THSD4: variants seen among roughly 807,000 people sequenced by gnomAD.
The protein encoded by THSD4 is thrombospondin type 1 domain containing 4.
Under a neutral mutation model 119.0 loss-of-function variants are expected in THSD4, and 69 were observed. The ratio of observed to expected loss-of-function variants is 0.58; its 90% CI spans 0.48 to 0.71. THSD4 has a LOEUF of 0.71. Among genes scored for constraint, THSD4 ranks in the 30% least tolerant of loss-of-function variants. The probability of loss-of-function intolerance (pLI) is 0.00; values close to 1 mark genes in which losing one functional copy is unlikely to be tolerated. For synonymous variants in THSD4, 524 were observed against 540.4 expected (o/e 0.97, Z 0.42); for missense variants, 1,393 against 1,391.1 (o/e 1.00, Z -0.02).
Position 71,244,493 on chromosome 15 carries a change from G to T in THSD4, c.912+1397G>T, listed in dbSNP as rs540251866. Among the ~76,000 whole-genome samples the T allele has an allele frequency of 2.0e-5, 3 of 152,294 alleles. No homozygotes were observed. The East Asian group carries it at 5.8e-4, about 29-fold the overall frequency. On this transcript the variant is annotated intron_variant, in intron 5 of 17. Coordinates refer to ENST00000261862, the MANE Select transcript of THSD4 (RefSeq NM_024817.3). The stretch of plus-strand genomic sequence containing the variant: ...TGTGATCTTAATAATTTCATTGAAT[G>T]CCTGGGTTGCTTTTTAGCTTATTCT...
chr15:71,458,361 T>C (rs1417507130), intron 7 of THSD4, among the ~76,000 whole-genome samples: 3 of 152,252 alleles, frequency 2.0e-5, no homozygotes. Context: ...TCTTAGTTTG[T>C]ATTTTATTAT....
chr15:71,600,730 C>CTTTTT (rs774794883), intron 7 of THSD4, among the ~76,000 whole-genome samples: 1 of 147,576 alleles, frequency 6.8e-6, no homozygotes, highest in African/African-American at 2.6e-5. Context: ...TCATGCCTGT[C>CTTTTT]TTTTTTTTTC....
chr15:71,371,370 G>A (rs1156485245), intron 6 of THSD4, among the ~76,000 whole-genome samples: 4 of 152,174 alleles, frequency 2.6e-5, no homozygotes, highest in African/African-American at 9.7e-5. Flanking sequence ...TTTCTTCCTA[G>A]CATCGATGGT....
At chr15:71,596,305 T>C (rs1317543918) in intron 7 of THSD4, among the ~76,000 whole-genome samples, 2 of 152,210 alleles carry the variant, frequency 1.3e-5, no homozygotes, top group African/African-American at 4.8e-5. Flanking sequence ...TGTGACATTG[T>C]TGTGGTTTTC....
intron 3 of THSD4, among the ~76,000 whole-genome samples, chr15:71,212,197 GTTTT>G: frequency 6.6e-6 from 1 of 152,020 alleles, no homozygotes; most frequent in Middle Eastern, 3.4e-3. Context: ...GTTTTTCTGT[GTTTT>G]TGTTTGTTTG....
chr15:71,322,759 C>A lies in THSD4; in HGVS notation c.1015+66044C>A, dbSNP rs192493578. Among the ~76,000 whole-genome samples the A allele has an allele frequency of 2.6e-5, 4 of 152,206 alleles. No homozygotes were observed. The East Asian group carries it at 7.8e-4, about 30-fold the overall frequency. On this transcript the variant is annotated intron_variant, in intron 6 of 17. Coordinates refer to ENST00000261862, the MANE Select transcript of THSD4 (RefSeq NM_024817.3). ...CCTCTCCACAAGGCTGCTTGAGTGT[C>A]CTCCTGACACGGTGACTGGCCTTCC...
chr15:71,647,898 A>G (rs977351442), intron 7 of THSD4, among the ~76,000 whole-genome samples: 2 of 152,130 alleles, frequency 1.3e-5, no homozygotes, highest in African/African-American at 4.8e-5. Context: ...GTGGGAGGGG[A>G]GGCCTCGGAT....
intron 2 of THSD4, 98 bp downstream of exon 2, chr15:71,141,654 T>C: frequency 7.6e-7 from 1 of 1,317,382 alleles, no homozygotes; most frequent in South Asian, 1.4e-5. Flanking sequence ...CTTAAGGGTC[T>C]GCAGCTGACT....
intron 8 of THSD4, among the ~76,000 whole-genome samples, chr15:71,717,249 T>A (rs115597955): frequency 6.6e-6 from 1 of 152,308 alleles, no homozygotes; most frequent in African/African-American, 2.4e-5. Context: ...TCCAGAGGCC[T>A]AGGGGATTGG....
chr15:71,502,533 G>A (rs1272336584), intron 7 of THSD4, among the ~76,000 whole-genome samples: 1 of 152,162 alleles, frequency 6.6e-6, no homozygotes, highest in African/African-American at 2.4e-5. Flanking sequence ...AATTTTAAAT[G>A]AACTGAGTGC....
At position 71,119,781 on chromosome 15, in the gene THSD4, G is replaced by A. The variant is rs550989903; in HGVS notation, c.-80+4083G>A. Among the ~76,000 whole-genome samples the A allele has an allele frequency of 3.3e-5, 5 of 152,312 alleles. No homozygotes were observed. The South Asian group carries it at 6.2e-4, about 19-fold the overall frequency. On this transcript the variant is annotated intron_variant, in intron 1 of 17. Transcript: ENST00000261862. ...CCAGCCCCTTCCTCCCTGCAGGCAC[G>A]GTGAGTTGAACCTCCTTTCCCAGAA...
chr15:71,480,727 A>G (rs755698388), intron 7 of THSD4, among the ~76,000 whole-genome samples: 13 of 152,208 alleles, frequency 8.5e-5, no homozygotes, highest in Non-Finnish European at 1.3e-4. Context: ...CAAGCCTTGC[A>G]TTGCATCTTA....
In THSD4 at chr15:71,554,095, G is replaced by GTT. The variant is rs58075201; in HGVS notation, c.1153-106424_1153-106423dup. 6.2e-4 allele frequency among the ~76,000 whole-genome samples: 85 copies of GTT among 137,558 alleles called. 1 individual carries two copies. Among genetic ancestry groups the GTT allele is most frequent in the African/African-American group, 1.8e-3 (69 of 38,140 alleles). 90.2% of individuals were successfully genotyped at this position (137,558 alleles called of 152,430 possible). On this transcript the variant is annotated intron_variant, in intron 7 of 17. Transcript: ENST00000261862. ...TTTCGTTTGTTTTTTGTTTGGTTTG[G>GTT]TTTTTTTTTTTTCAGATGGAGTCTC...
intron 6 of THSD4, among the ~76,000 whole-genome samples, chr15:71,410,395 C>G (rs2046670496): frequency 6.6e-6 from 1 of 152,182 alleles, no homozygotes; most frequent in Non-Finnish European, 1.5e-5. Flanking sequence ...CCATGGAGGG[C>G]TTCCTGAGGA....
At chr15:71,574,237 C>A (rs2049408179) in intron 7 of THSD4, among the ~76,000 whole-genome samples, 1 of 152,114 alleles carries the variant, frequency 6.6e-6, no homozygotes, top group South Asian at 2.1e-4. Flanking sequence ...ATTTATTAAG[C>A]CCCTATTGTG....
intron 7 of THSD4, among the ~76,000 whole-genome samples, chr15:71,586,554 A>G (rs1239019348): frequency 6.6e-6 from 1 of 152,132 alleles, no homozygotes; most frequent in East Asian, 1.9e-4. Context: ...CTTGTCACAT[A>G]GCTCCCTTTG....
At chr15:71,558,710 A>T (rs923713240) in intron 7 of THSD4, among the ~76,000 whole-genome samples, 2 of 152,162 alleles carry the variant, frequency 1.3e-5, no homozygotes, top group African/African-American at 4.8e-5. Context: ...GGCTCAAGCA[A>T]TCCTTCCACC....
chr15:71,378,003 T>A (rs965294122), intron 6 of THSD4, among the ~76,000 whole-genome samples: 3 of 152,150 alleles, frequency 2.0e-5, no homozygotes, highest in Non-Finnish European at 4.4e-5. Context: ...TAGGCTTAGT[T>A]GTTCAAGGCT....
rs1227992207 is a variant in THSD4, at chr15:71,598,381, C to T, written c.1153-62149C>T. On this transcript the variant is annotated intron_variant, in intron 7 of 17. Transcript: ENST00000261862. ...TGAGGCCATGAGTTTGACCTTTTGA[C>T]TATAGGCATTGATGGGTACTGAGAC... Among the ~76,000 whole-genome samples the T allele has an allele frequency of 2.0e-5, 3 of 152,104 alleles. No individual in the cohort carries two copies. In the East Asian group the frequency reaches 5.8e-4, roughly 29 times the overall value.
Sources: allele counts gnomAD v4.1 joint callset (sites outside exome capture counted in the v4.1 genomes callset), GRCh38; gene constraint gnomAD v4.1.1; transcripts MANE v1.5; gene names NCBI Gene and HGNC (gene_info 2026-07-23, HGNC 2026-07-21).